EEF1D: variants seen among roughly 807,000 people sequenced by gnomAD.
EEF1D encodes the protein eukaryotic translation elongation factor 1 delta.
Under a neutral mutation model 63.9 loss-of-function variants are expected in EEF1D, and 47 were observed. The ratio of observed to expected loss-of-function variants is 0.74; its 90% CI spans 0.58 to 0.94. The LOEUF is 0.94. Among genes scored for constraint, EEF1D ranks in the 40% least tolerant of loss-of-function variants. EEF1D has a pLI of 0.00. For synonymous variants in EEF1D, 412 were observed against 386.1 expected, an observed-to-expected ratio of 1.07 and a Z score of -0.79; for missense variants, 907 against 899.0, an observed-to-expected ratio of 1.01 and a Z score of -0.11.
At chr8:143,593,865 A>G in intron 1 of EEF1D, 1 of 985,422 alleles carries the variant, frequency 1.0e-6, no homozygotes, top group Non-Finnish European at 1.2e-6. Context: ...ATTCCCAAGC[A>G]TGGGAGGACC....
chr8:143,589,767 G>A lies in EEF1D; in HGVS notation c.315C>T (p.Gly105=), dbSNP rs754066458. ...GLGPADLALL[G]LSAERVWLDK... ...CCAGCCACACGCGTTCGGCCGAGAGGCCCAGGAGGGCCAGGTCCGCGGGGC... is the reference window on the plus strand; with the variant it reads ...CCAGCCACACGCGTTCGGCCGAGAGACCCAGGAGGGCCAGGTCCGCGGGGC... Residue 105 remains glycine (G), a synonymous_variant, in exon 3 of 10, where the codon GGC becomes GGT. Transcript: ENST00000618139. 9 of 1,550,200 alleles carry A rather than the reference G, an allele frequency of 5.8e-6. No homozygotes were observed. The highest frequency in any genetic ancestry group is 7.8e-6 in the Non-Finnish European group (9 of 1,150,230).
intron 2 of EEF1D, among the ~76,000 whole-genome samples, chr8:143,591,231 G>A (rs527912147): frequency 6.6e-6 from 1 of 152,222 alleles, no homozygotes; most frequent in Non-Finnish European, 1.5e-5. Flanking sequence ...CTTGGTGGGA[G>A]GCAGGTTGTG....
At position 143,580,589 on chromosome 8, in the gene EEF1D, C is replaced by T. The variant is rs754403626; in HGVS notation, c.1627G>A (p.Glu543Lys). Residue 543 changes from glutamate (E) to lysine (K), a missense_variant, in exon 8 of 10, where the codon GAG (glutamate) becomes AAG (lysine). Transcript: ENST00000618139. The stretch of plus-strand genomic sequence containing the variant: ...TTCTCCGCGTACTGCCGTAGCCGCT[C>T]CTCCCGCAGCTGTGCCGCCTCCTTG... ...EDKEAAQLREERLRQYAEKKA... is the reference protein window; with the variant it reads ...EDKEAAQLREKRLRQYAEKKA... 10 of 1,613,722 alleles carry T rather than the reference C, an allele frequency of 6.2e-6. No individual in the cohort carries two copies. Among genetic ancestry groups the T allele is most frequent in the South Asian group, 2.2e-5 (2 of 91,076 alleles).
chr8:143,588,727 G>C (rs964857059), intron 3 of EEF1D: 4 of 512,206 alleles, frequency 7.8e-6, no homozygotes, highest in Admixed American at 3.8e-5. Context: ...GGGCAAGGCA[G>C]AGATTCTGCC....
chr8:143,586,839 T>C lies in EEF1D; in HGVS notation c.1105A>G (p.Thr369Ala). The change falls in exon 4 of 10, where the codon ACA (threonine) becomes GCA (alanine). Residue 369 changes from threonine to alanine, a missense_variant. Transcript: ENST00000618139. ...SSLRPNRKMA[T>A]NFLAHEKIWF... Reference sequence around the variant, plus strand: ...ATCTTCTCATGTGCTAGGAAGTTTGTAGCCATTTTTCTGCTGGGAGGGGAA... The same window carrying C: ...ATCTTCTCATGTGCTAGGAAGTTTGCAGCCATTTTTCTGCTGGGAGGGGAA... 1.2e-6 allele frequency: 2 copies of C among 1,614,000 alleles called. No individual in the cohort carries two copies. Among genetic ancestry groups the C allele is most frequent in the Non-Finnish European group, 1.7e-6 (2 of 1,179,834 alleles).
At chr8:143,595,672 C>T (rs1024388003) in intron 1 of EEF1D, among the ~76,000 whole-genome samples, 5 of 152,212 alleles carry the variant, frequency 3.3e-5, no homozygotes, top group Admixed American at 2.6e-4. Flanking sequence ...GGCCAAGCCC[C>T]GCCCCAACCA....
At chr8:143,580,327 A>G in intron 8 of EEF1D, 121 bp from the exon 9 acceptor site, 1 of 1,282,640 alleles carries the variant, frequency 7.8e-7, no homozygotes, top group Non-Finnish European at 1.1e-6. Flanking sequence ...AAGGGCCCAC[A>G]GAAAACAATC....
chr8:143,595,183 C>T (rs1253992515), intron 1 of EEF1D, among the ~76,000 whole-genome samples: 1 of 152,232 alleles, frequency 6.6e-6, no homozygotes, highest in African/African-American at 2.4e-5. Context: ...AATTCTCCTA[C>T]CTCAGCCTCC....
chr8:143,585,824 C>T (rs1164764517), intron 5 of EEF1D, among the ~76,000 whole-genome samples: 1 of 152,212 alleles, frequency 6.6e-6, no homozygotes, highest in African/African-American at 2.4e-5. Flanking sequence ...CTTCTCTCTC[C>T]CCAGTGAGGC....
rs1310930832 is a variant in EEF1D at position 143,581,253 on chromosome 8, C to T, written c.1363G>A (p.Val455Met). 1 of 1,612,692 alleles carries T rather than the reference C, an allele frequency of 6.2e-7. No individual in the cohort carries two copies. Among genetic ancestry groups the T allele is most frequent in the African/African-American group, 1.3e-5 (1 of 74,940 alleles). ...ELVVRIASLEVENQSLRGVVQ... is the reference protein window; with the variant it reads ...ELVVRIASLEMENQSLRGVVQ... Reference sequence around the variant, plus strand: ...CCGCCACGCAGACTCTGGTTCTCCACTTCCAGACTGGCAATCCGGACGACG... The same window carrying T: ...CCGCCACGCAGACTCTGGTTCTCCATTTCCAGACTGGCAATCCGGACGACG... The change falls in exon 6 of 10, where the codon GTG (valine) becomes ATG (methionine). Residue 455 changes from valine to methionine, a missense_variant. Physicochemically the swap from Val to Met is conservative, Grantham distance 21. Coordinates refer to ENST00000618139, the MANE Select transcript of EEF1D (RefSeq NM_001130053.5).
At chr8:143,590,167 C>A (rs1352907338) in intron 2 of EEF1D, 86 bp from the exon 3 acceptor site, 3 of 1,330,018 alleles carry the variant, frequency 2.3e-6, no homozygotes, top group Admixed American at 2.0e-5. Context: ...CCTCCCCGTG[C>A]CCGCCCTCCC....
rs191973341 is a variant in EEF1D at position 143,581,191 on chromosome 8, G to T, written c.1388-37C>A. The T allele has an allele frequency of 2.1e-4, 336 of 1,612,706 alleles. 1 individual carries two copies. The East Asian group carries it at 7.0e-3, about 34-fold the overall frequency. On this transcript the variant is annotated intron_variant, in intron 6 of 9. Coordinates refer to ENST00000618139, the MANE Select transcript of EEF1D (RefSeq NM_001130053.5). ...AGGGGAGCACGGTTAGATGGCAGGG[G>T]CCAGGGACAGCCCCAACCCACTGGC...
intron 5 of EEF1D, chr8:143,582,392 C>T (rs561272641): frequency 2.6e-5 from 4 of 152,380 alleles, no homozygotes; most frequent in Admixed American, 2.0e-4. Context: ...CGGGAGGCAC[C>T]GGCAGAAACT....
chr8:143,581,626 G>A, intron 5 of EEF1D: 1 of 497,574 alleles, frequency 2.0e-6, no homozygotes, highest in Non-Finnish European at 3.6e-6. Flanking sequence ...GAGCAGCCAG[G>A]CTCAGAGGCT....
At chr8:143,582,732 C>G (rs1825797717) in intron 5 of EEF1D, 1 of 92,762 alleles carries the variant, frequency 1.1e-5, no homozygotes, top group African/African-American at 2.9e-5. Flanking sequence ...TTGATGCTGA[C>G]TCAGGGGGGA....
intron 1 of EEF1D, 36 bp downstream of exon 1, chr8:143,597,312 C>G (rs999107111): frequency 6.6e-6 from 1 of 152,156 alleles, no homozygotes; most frequent in African/African-American, 2.4e-5. Context: ...GTCTCTGTCG[C>G]GCCCGACTCC....
At chr8:143,584,766 G>T (rs539532319) in intron 5 of EEF1D, among the ~76,000 whole-genome samples, 2 of 152,242 alleles carry the variant, frequency 1.3e-5, no homozygotes, top group East Asian at 3.9e-4. Flanking sequence ...ATGACAGCGG[G>T]GGGGACCATG....
intron 5 of EEF1D, among the ~76,000 whole-genome samples, chr8:143,584,581 C>G (rs36172017): frequency 0.022 from 3,336 of 151,974 alleles, 117 homozygotes; most frequent in African/African-American, 0.076. Flanking sequence ...TCACCCACCC[C>G]CTCCAAAAGA....
At chr8:143,590,188 C>A in intron 2 of EEF1D, 107 bp from the exon 3 acceptor site, 1 of 1,517,064 alleles carries the variant, frequency 6.6e-7, no homozygotes, top group Non-Finnish European at 8.9e-7. Context: ...CGTGGCTGCC[C>A]TCCCTGGGCA....
Sources: gnomAD v4.1 joint callset for allele counts (sites outside exome capture counted in the v4.1 genomes callset) on GRCh38, gnomAD v4.1.1 for gene constraint, MANE v1.5 for transcripts, NCBI Gene and HGNC (gene_info 2026-07-23, HGNC 2026-07-21) for gene names.